Variants in ZMAT4 observed in about 807,000 individuals in gnomAD.
ZMAT4 encodes zinc finger matrin-type 4.
A neutral mutation model predicts 28.7 loss-of-function variants in ZMAT4; 17 were observed. The ratio of observed to expected loss-of-function variants is 0.59; its 90% confidence interval spans 0.41 to 0.89. The LOEUF is 0.89. Among genes scored for constraint, ZMAT4 ranks in the 40% least tolerant of loss-of-function variants. ZMAT4 has a pLI of 0.00. For synonymous variants in ZMAT4, 117 were observed against 109.2 expected (o/e 1.07, Z -0.44); for missense variants, 240 against 283.8 (o/e 0.85, Z 1.11).
intron 5 of ZMAT4, among the ~76,000 whole-genome samples, chr8:40,589,722 T>TTC (rs1491035824): frequency 3.8e-4 from 50 of 130,664 alleles, no homozygotes; most frequent in African/African-American, 9.5e-4. Flanking sequence ...CCTTCTTCCT[T>TTC]CTTCCTTTCC....
intron 1 of ZMAT4, among the ~76,000 whole-genome samples, chr8:40,834,991 C>A (rs1816424734): frequency 6.6e-6 from 1 of 152,200 alleles, no homozygotes; most frequent in Non-Finnish European, 1.5e-5. Flanking sequence ...GCTGATGGGT[C>A]CGGGCAGCAT....
At chr8:40,783,301 C>G (rs1385254802) in intron 2 of ZMAT4, among the ~76,000 whole-genome samples, 1 of 152,122 alleles carries the variant, frequency 6.6e-6, no homozygotes, top group Admixed American at 6.5e-5. Context: ...AAGTCAGAAA[C>G]AAGGGGCACA....
chr8:40,748,431 AC>A (rs768149613), intron 3 of ZMAT4, among the ~76,000 whole-genome samples: 1 of 152,164 alleles, frequency 6.6e-6, no homozygotes, highest in Admixed American at 6.5e-5. Flanking sequence ...ACTGAATAAC[AC>A]CACCCATAAG....
chr8:40,848,375 A>T (rs1816983285), intron 1 of ZMAT4, among the ~76,000 whole-genome samples: 1 of 152,176 alleles, frequency 6.6e-6, no homozygotes, highest in Non-Finnish European at 1.5e-5. Flanking sequence ...AACACAATAA[A>T]ATGTTTGAAT....
intron 3 of ZMAT4, among the ~76,000 whole-genome samples, chr8:40,729,627 G>A (rs58020662): frequency 0.017 from 2,331 of 139,740 alleles, 51 homozygotes; most frequent in African/African-American, 0.047. Flanking sequence ...AAGGAGTCTC[G>A]CTCTGTCACC....
intron 5 of ZMAT4, among the ~76,000 whole-genome samples, chr8:40,655,666 C>T (rs1387833236): frequency 4.0e-5 from 6 of 151,862 alleles, no homozygotes; most frequent in Non-Finnish European, 7.4e-5. Context: ...CATTTATGGT[C>T]CATTGAGTTT....
In ZMAT4 at chr8:40,616,546, C is replaced by A. The variant is rs191041853; in HGVS notation, c.578-35285G>T. Among the ~76,000 whole-genome samples the A allele has an allele frequency of 2.5e-3, 388 of 152,200 alleles. 3 individuals carry two copies. The highest frequency in any genetic ancestry group is 8.0e-3 in the African/African-American group (333 of 41,524). ...TGTGGCACATATACACCATGGAATACTATGCAGCCATAAAAAAGGATGAGT... is the reference window on the plus strand; with the variant it reads ...TGTGGCACATATACACCATGGAATAATATGCAGCCATAAAAAAGGATGAGT... On this transcript the variant is annotated intron_variant, in intron 5 of 6. Transcript: ENST00000297737.
chr8:40,849,352 T>C (rs544348245), intron 1 of ZMAT4, among the ~76,000 whole-genome samples: 1 of 152,334 alleles, frequency 6.6e-6, no homozygotes, highest in African/African-American at 2.4e-5. Context: ...CCTTTCATTA[T>C]TTACTCGTAA....
intron 2 of ZMAT4, among the ~76,000 whole-genome samples, chr8:40,772,697 C>T (rs1463650378): frequency 6.6e-6 from 1 of 152,148 alleles, no homozygotes; most frequent in Non-Finnish European, 1.5e-5. Context: ...TTTCTGATTT[C>T]CTAGATAAGT....
chr8:40,637,123 C>A (rs1393217302), intron 5 of ZMAT4, among the ~76,000 whole-genome samples: 1 of 151,594 alleles, frequency 6.6e-6, no homozygotes, highest in African/African-American at 2.4e-5. Context: ...GATTCCCATT[C>A]CCATGTGGGC....
chr8:40,680,576 A>C lies in ZMAT4; in HGVS notation c.350-5645T>G, dbSNP rs147896270. ...GAAGAGGGTGACACCGTCAGCAGTG[A>C]GATAGATTCCTACCTGCCTGTCTGC... On this transcript the variant is annotated intron_variant, in intron 4 of 6. Transcript: ENST00000297737. 5.0e-3 allele frequency among the ~76,000 whole-genome samples: 760 copies of C among 152,156 alleles called. 6 individuals carry two copies. The highest frequency in any genetic ancestry group is 0.017 in the African/African-American group (721 of 41,536).
intron 2 of ZMAT4, among the ~76,000 whole-genome samples, chr8:40,781,392 C>A (rs1160339063): frequency 6.6e-6 from 1 of 152,100 alleles, no homozygotes; most frequent in Non-Finnish European, 1.5e-5. Flanking sequence ...TCAAAACTTA[C>A]TAAAAAGCTA....
At chr8:40,654,206 A>G (rs1188809634) in intron 5 of ZMAT4, among the ~76,000 whole-genome samples, 4 of 152,162 alleles carry the variant, frequency 2.6e-5, no homozygotes, top group African/African-American at 9.7e-5. Context: ...TCTCTAGCCC[A>G]GAGACTCCCT....
intron 3 of ZMAT4, among the ~76,000 whole-genome samples, chr8:40,745,288 GGT>G (rs1812170727): frequency 6.6e-6 from 1 of 152,114 alleles, no homozygotes; most frequent in African/African-American, 2.4e-5. Flanking sequence ...AGTCCTCTGA[GGT>G]GTGATTACTC....
intron 3 of ZMAT4, among the ~76,000 whole-genome samples, chr8:40,758,375 G>A (rs7461281): frequency 6.6e-6 from 1 of 152,074 alleles, no homozygotes; most frequent in African/African-American, 2.4e-5. Context: ...ATGACAATCT[G>A]TAAGGTTTTT....
chr8:40,579,330 C>T (rs1804374549), intron 6 of ZMAT4, among the ~76,000 whole-genome samples: 2 of 152,104 alleles, frequency 1.3e-5, no homozygotes, highest in African/African-American at 2.4e-5. Context: ...TGTCTGTCTG[C>T]ACATCAGATA....
At chr8:40,732,457 G>T (rs533549886) in intron 3 of ZMAT4, among the ~76,000 whole-genome samples, 6 of 152,256 alleles carry the variant, frequency 3.9e-5, no homozygotes, top group African/African-American at 1.4e-4. Context: ...TAGAAAAGAG[G>T]CATCTGGCAT....
At chr8:40,565,806 G>C (rs1803904550) in intron 6 of ZMAT4, among the ~76,000 whole-genome samples, 1 of 148,220 alleles carries the variant, frequency 6.7e-6, no homozygotes, top group Admixed American at 6.8e-5. Context: ...TACATTGCCA[G>C]TGATAACTTG....
At chr8:40,560,962 A>G (rs1415044566) in intron 6 of ZMAT4, among the ~76,000 whole-genome samples, 6 of 152,128 alleles carry the variant, frequency 3.9e-5, no homozygotes, top group African/African-American at 9.7e-5. Flanking sequence ...TTTCTTGTAT[A>G]TTAGTCCCCA....
Sources: allele counts gnomAD v4.1 joint callset (sites outside exome capture counted in the v4.1 genomes callset), GRCh38; gene constraint gnomAD v4.1.1; transcripts MANE v1.5; gene names NCBI Gene and HGNC (gene_info 2026-07-23, HGNC 2026-07-21).